Variants in SLC36A4 observed in about 807,000 individuals in gnomAD.
SLC36A4 encodes neutral amino acid uniporter 4.
SLC36A4 carries 49 observed loss-of-function variants against 50.5 expected under a neutral mutation model. That is an observed-to-expected ratio of 0.97 (90% CI 0.77 to 1.23). SLC36A4 has a LOEUF of 1.23. Among genes scored for constraint, SLC36A4 ranks in the 50% most tolerant of loss-of-function variants. The probability of loss-of-function intolerance (pLI) is 0.00; values close to 1 mark genes in which losing one functional copy is unlikely to be tolerated. For missense variants in SLC36A4, 611 were observed against 608.4 expected (o/e 1.00, Z -0.05); for synonymous variants, 207 against 206.5 (o/e 1.00, Z -0.02).
chr11:93,186,385 C>T (rs74753544), intron 1 of SLC36A4, among the ~76,000 whole-genome samples: 4,360 of 152,254 alleles, frequency 0.029, 99 homozygotes, highest in Non-Finnish European at 0.047. Flanking sequence ...ATTCCACTTT[C>T]ATCAGTTATA....
chr11:93,163,184 C>A (rs551151431), intron 8 of SLC36A4, among the ~76,000 whole-genome samples: 1 of 152,062 alleles, frequency 6.6e-6, no homozygotes, highest in Non-Finnish European at 1.5e-5. Flanking sequence ...CTCCCATATA[C>A]CCCTCACCCA....
At chr11:93,182,917 A>T (rs1861800191) in intron 3 of SLC36A4, 23 bp from the exon 4 acceptor site, 1 of 1,526,534 alleles carries the variant, frequency 6.6e-7, no homozygotes, top group African/African-American at 1.4e-5. Context: ...AAAATTTATA[A>T]GGTTTAAATA....
intron 4 of SLC36A4, chr11:93,182,292 CAA>C (rs1286923054): frequency 1.1e-6 from 1 of 903,496 alleles, no homozygotes; most frequent in Non-Finnish European, 1.3e-6. Context: ...ATGATTTGCC[CAA>C]AGTTTTAAGA....
intron 5 of SLC36A4, 76 bp from the exon 6 acceptor site, chr11:93,180,957 A>T: frequency 9.4e-7 from 1 of 1,059,572 alleles, no homozygotes. Flanking sequence ...TCTTTTCAAG[A>T]GTTTTAAAAC....
chr11:93,148,782 T>C lies in SLC36A4; in HGVS notation c.1270A>G (p.Ser424Gly). The C allele has an allele frequency of 6.2e-7, 1 of 1,613,002 alleles. No individual in the cohort carries two copies. Among genetic ancestry groups the C allele is most frequent in the Non-Finnish European group, 8.5e-7 (1 of 1,179,334 alleles). Reference sequence around the variant, plus strand: ...GGCAGGATTAGGGCCAATGTGCTGCTGCTCACAGCTCCAACGAAGGAAATC... The same window carrying C: ...GGCAGGATTAGGGCCAATGTGCTGCCGCTCACAGCTCCAACGAAGGAAATC... ...IVISFVGAVS[S>G]STLALILPPL... The change falls in exon 11 of 11, where the codon AGC becomes GGC. Residue 424 changes from serine (S) to glycine (G), a missense_variant. Physicochemically the swap from Ser to Gly is moderately conservative, Grantham distance 56 (BLOSUM62 0). Transcript: ENST00000326402.
intron 10 of SLC36A4, among the ~76,000 whole-genome samples, chr11:93,149,996 T>C (rs1050473740): frequency 3.3e-5 from 5 of 152,090 alleles, no homozygotes; most frequent in Admixed American, 6.6e-5. Context: ...TCCACTATTG[T>C]CAGCAGATTT....
chr11:93,155,546 T>C (rs114981455), intron 9 of SLC36A4: 194 of 152,274 alleles, frequency 1.3e-3, no homozygotes, highest in African/African-American at 4.4e-3. Flanking sequence ...TGGAGCTTTA[T>C]TTCTGATGTC....
intron 6 of SLC36A4, among the ~76,000 whole-genome samples, chr11:93,178,374 G>C (rs1171576510): frequency 6.6e-6 from 1 of 152,022 alleles, no homozygotes; most frequent in East Asian, 1.9e-4. Flanking sequence ...GCCCTGCTTT[G>C]GCTCACACTC....
intron 1 of SLC36A4, among the ~76,000 whole-genome samples, chr11:93,186,248 T>A (rs1202892998): frequency 6.6e-6 from 1 of 152,230 alleles, no homozygotes; most frequent in Non-Finnish European, 1.5e-5. Context: ...AAAATTTCAG[T>A]ATCAAAATTT....
intron 5 of SLC36A4, 120 bp downstream of exon 5, chr11:93,181,571 G>T: frequency 1.4e-6 from 1 of 693,736 alleles, no homozygotes; most frequent in Non-Finnish European, 2.1e-6. Context: ...TAACTCTAAG[G>T]GTTACATATG....
At chr11:93,172,137 G>T (rs1324719372) in intron 6 of SLC36A4, among the ~76,000 whole-genome samples, 1 of 151,860 alleles carries the variant, frequency 6.6e-6, no homozygotes, top group African/African-American at 2.4e-5. Context: ...TTAAAACTAG[G>T]ATATTTTGAA....
At chr11:93,184,329 T>G (rs372640479) in intron 3 of SLC36A4, 101 bp downstream of exon 3, 15 of 746,236 alleles carry the variant, frequency 2.0e-5, no homozygotes, top group South Asian at 1.6e-4. Context: ...ATCATCTAAA[T>G]GTCACCTTAC....
chr11:93,191,935 G>A (rs939870688), intron 1 of SLC36A4, among the ~76,000 whole-genome samples: 9 of 152,218 alleles, frequency 5.9e-5, no homozygotes, highest in African/African-American at 1.2e-4. Context: ...ATAACTGAAT[G>A]TATTCAATTA....
At position 93,167,939 on chromosome 11, in the gene SLC36A4, C is replaced by G. The variant is rs764460873; in HGVS notation, c.768+5G>C. 1.3e-6 allele frequency: 2 copies of G among 1,581,572 alleles called. No homozygotes were observed. Among genetic ancestry groups the G allele is most frequent in the Admixed American group, 3.8e-5 (2 of 53,034 alleles). On this transcript the variant is annotated splice_donor_5th_base_variant and intron_variant, in intron 7 of 10. Coordinates refer to ENST00000326402, the MANE Select transcript of SLC36A4 (RefSeq NM_152313.4). ...AGAACTTAGTTAAAAACTTTTTATA[C>G]TTACCCTGACAACATACTGGTAAAT... is the stretch of plus-strand genomic sequence containing the variant.
intron 5 of SLC36A4, among the ~76,000 whole-genome samples, 192 bp from the exon 6 acceptor site, chr11:93,181,073 A>T (rs1474261072): frequency 6.6e-6 from 1 of 152,072 alleles, no homozygotes; most frequent in South Asian, 2.1e-4. Context: ...ACTTAACTAT[A>T]AACTACTCTA....
chr11:93,174,866 T>C (rs1012358732), intron 6 of SLC36A4, among the ~76,000 whole-genome samples: 3 of 131,442 alleles, frequency 2.3e-5, no homozygotes, highest in African/African-American at 8.3e-5. Context: ...TTTATGAGGA[T>C]TTTTGCATCA....
At position 93,197,984 on chromosome 11, in the gene SLC36A4, G is replaced by T; in HGVS notation, c.-152C>A. On this transcript the variant is annotated 5_prime_UTR_variant, in exon 1 of 11. Coordinates refer to ENST00000326402, the MANE Select transcript of SLC36A4 (RefSeq NM_152313.4). ...CGGCGCTCCCCAACCGCGCGGCGAG[G>T]AGCATGCGCAGTGGGACAGCCCGGC... 1.3e-6 allele frequency: 1 copy of T among 782,304 alleles called. No homozygotes were observed. Among genetic ancestry groups the T allele is most frequent in the Non-Finnish European group, 1.8e-6 (1 of 544,922 alleles). The allele number at this position is 782,304 out of a possible 1,614,324, so 48.5% of individuals were successfully genotyped here.
At position 93,181,692 on chromosome 11, in the gene SLC36A4, G is replaced by A. The variant is rs142480448; in HGVS notation, c.454C>T (p.Arg152Trp). ...SCLQKQAAWG[R>W]SVVDFFLVIT... ...ATTAATAACAGAGTAAGTACTTACC[G>A]CCCCCATGCTGCTTGCTTCTGAAGA... The change falls in exon 5 of 11, where the codon CGG (arginine) becomes TGG (tryptophan). Residue 152 changes from arginine (R) to tryptophan (W), a missense_variant and splice_region_variant. Transcript: ENST00000326402. 1.6e-3 allele frequency: 2,499 copies of A among 1,517,224 alleles called. 4 individuals carry two copies. The highest frequency in any genetic ancestry group is 2.0e-3 in the Non-Finnish European group (2,234 of 1,127,752). 94.0% of individuals were successfully genotyped at this position (1,517,224 alleles called of 1,614,324 possible).
chr11:93,186,065 T>G (rs570345592), intron 1 of SLC36A4, among the ~76,000 whole-genome samples: 85 of 152,222 alleles, frequency 5.6e-4, no homozygotes, highest in Non-Finnish European at 1.2e-3. Context: ...AAACTTTTTC[T>G]GCTTTATCCA....
Sources: gnomAD v4.1 joint callset for allele counts (sites outside exome capture counted in the v4.1 genomes callset) on GRCh38, gnomAD v4.1.1 for gene constraint, MANE v1.5 for transcripts, NCBI Gene and HGNC (gene_info 2026-07-23, HGNC 2026-07-21) for gene names.